Variants in SPACA1 observed in about 807,000 individuals in gnomAD.
SPACA1 encodes the protein sperm acrosome associated 1, also known as sperm acrosome membrane-associated protein 1.
SPACA1 carries 17 observed loss-of-function variants against 32.6 expected under a neutral mutation model. That is an observed-to-expected ratio of 0.52 (90% confidence interval 0.36 to 0.78). The LOEUF is 0.78. Ranked by LOEUF, SPACA1 falls within the 30% of genes least tolerant of loss-of-function variation. The probability of loss-of-function intolerance (pLI) is 0.01; values close to 1 mark genes in which losing one functional copy is unlikely to be tolerated. For synonymous variants in SPACA1, 140 were observed against 138.1 expected, an observed-to-expected ratio of 1.01 and a Z score of -0.10; for missense variants, 363 against 373.4, an observed-to-expected ratio of 0.97 and a Z score of 0.23.
chr6:88,047,813 C>A, upstream of SPACA1: 1 of 1,266,168 alleles, frequency 7.9e-7, no homozygotes, highest in Non-Finnish European at 1.1e-6. Context: ...AGCCGGGCGG[C>A]TACGGGCGGG....
rs998421389 is a variant in SPACA1 at position 88,055,737 on chromosome 6, G to A, written c.265+1735G>A. Among the ~76,000 whole-genome samples the A allele has an allele frequency of 1.9e-4, 29 of 152,200 alleles. 1 individual carries two copies. The highest frequency in any genetic ancestry group is 1.8e-3 in the Admixed American group (27 of 15,280). On this transcript the variant is annotated intron_variant, in intron 2 of 6. Coordinates refer to ENST00000237201, the MANE Select transcript of SPACA1 (RefSeq NM_030960.3). ...TGTAATCCCAGCACTTTGGGAGGCCGAGGCGGGTGGATCACGAGGTCCAGA... is the reference window on the plus strand; with the variant it reads ...TGTAATCCCAGCACTTTGGGAGGCCAAGGCGGGTGGATCACGAGGTCCAGA...
rs1775858546 is a variant in SPACA1 at position 88,059,463 on chromosome 6, T to C, written c.485T>C (p.Ile162Thr). The change falls in exon 5 of 7, where the codon ATA becomes ACA. Residue 162 changes from isoleucine (I) to threonine (T), a missense_variant. Physicochemically the swap from Ile to Thr is moderately conservative, Grantham distance 89 (BLOSUM62 -1). Transcript: ENST00000237201. The stretch of plus-strand genomic sequence containing the variant: ...TTTCTTTTTAAATAGCAATCCATTA[T>C]ACTTGTAAATGATTCAGCAATCCTA... ...KLLRQDQQSIILVNDSAILEV... is the reference protein window; with the variant it reads ...KLLRQDQQSITLVNDSAILEV... 1.2e-6 allele frequency: 2 copies of C among 1,609,838 alleles called. No individual in the cohort carries two copies. The highest frequency in any genetic ancestry group is 1.7e-6 in the Non-Finnish European group (2 of 1,178,334).
At chr6:88,051,940 A>G (rs2127798214) in intron 1 of SPACA1, among the ~76,000 whole-genome samples, 1 of 152,352 alleles carries the variant, frequency 6.6e-6, no homozygotes, top group South Asian at 2.1e-4. Context: ...CACTCCTACC[A>G]TGTTGACACC....
intron 1 of SPACA1, among the ~76,000 whole-genome samples, chr6:88,052,630 A>G (rs1202418244): frequency 1.3e-5 from 2 of 152,148 alleles, no homozygotes; most frequent in Admixed American, 6.5e-5. Context: ...TGAGGTCAGG[A>G]GTTTGAGACC....
chr6:88,063,398 G>A (rs1174642735), intron 5 of SPACA1, among the ~76,000 whole-genome samples: 1 of 152,022 alleles, frequency 6.6e-6, no homozygotes, highest in Non-Finnish European at 1.5e-5. Context: ...TAACAGTATG[G>A]GTGAATTTCT....
At position 88,066,172 on chromosome 6, in the gene SPACA1, T is replaced by C; in HGVS notation, c.732-10T>C. 1 of 1,550,358 alleles carries C rather than the reference T, an allele frequency of 6.5e-7. No homozygotes were observed. Among genetic ancestry groups the C allele is most frequent in the Non-Finnish European group, 8.7e-7 (1 of 1,150,460 alleles). Reference sequence around the variant, plus strand: ...CATATGGTGGTTTTGGTTTTTGTTTTTTCTTCCAGGGCAGCAGTCAAGGCT... The same window carrying C: ...CATATGGTGGTTTTGGTTTTTGTTTCTTCTTCCAGGGCAGCAGTCAAGGCT... On this transcript the variant is annotated splice_polypyrimidine_tract_variant and intron_variant, in intron 6 of 6. Transcript: ENST00000237201.
At chr6:88,064,298 C>T in intron 6 of SPACA1, 79 bp downstream of exon 6, 1 of 1,454,274 alleles carries the variant, frequency 6.9e-7, no homozygotes, top group Non-Finnish European at 9.3e-7. Context: ...AATTGCAAAG[C>T]CCTGTCCGTG....
At chr6:88,063,914 T>C (rs925290856) in intron 5 of SPACA1, among the ~76,000 whole-genome samples, 185 bp from the exon 6 acceptor site, 2 of 152,184 alleles carry the variant, frequency 1.3e-5, no homozygotes, top group Non-Finnish European at 2.9e-5. Context: ...TGTCAAATTC[T>C]TTTAACTTTT....
chr6:88,064,738 A>C (rs546090580), intron 6 of SPACA1, among the ~76,000 whole-genome samples: 1 of 149,484 alleles, frequency 6.7e-6, no homozygotes, highest in African/African-American at 2.4e-5. Context: ...ATATATATGT[A>C]CATATATATG....
intron 2 of SPACA1, among the ~76,000 whole-genome samples, chr6:88,054,645 T>C (rs1381082979): frequency 1.3e-5 from 2 of 152,062 alleles, no homozygotes; most frequent in Non-Finnish European, 2.9e-5. Context: ...TTCTTCTAAA[T>C]AGAATCTGCC....
intron 2 of SPACA1, among the ~76,000 whole-genome samples, chr6:88,055,833 C>A (rs527751551): frequency 6.6e-5 from 10 of 151,924 alleles, no homozygotes; most frequent in Non-Finnish European, 1.5e-4. Context: ...TAGCTGGGTG[C>A]GGTGGCACAT....
intron 5 of SPACA1, 151 bp downstream of exon 5, chr6:88,059,739 C>A: frequency 1.4e-6 from 1 of 718,024 alleles, no homozygotes; most frequent in East Asian, 3.3e-5. Context: ...CAAGAATTTC[C>A]ATTTCTAACA....
At chr6:88,054,108 C>G in intron 2 of SPACA1, 106 bp downstream of exon 2, 1 of 866,738 alleles carries the variant, frequency 1.2e-6, no homozygotes, top group Non-Finnish European at 1.8e-6. Flanking sequence ...TCATGCATCT[C>G]TCATGGATTT....
At chr6:88,064,547 A>G in intron 6 of SPACA1, 1 of 159,108 alleles carries the variant, frequency 6.3e-6, no homozygotes, top group East Asian at 1.8e-4. Context: ...CAACTCTAAA[A>G]CTTGGTTATT....
Position 88,066,215 on chromosome 6 carries a change from C to T in SPACA1, c.765C>T (p.Ala255=), listed in dbSNP as rs1357291610. 1 of 1,607,732 alleles carries T rather than the reference C, an allele frequency of 6.2e-7. No individual in the cohort carries two copies. Among genetic ancestry groups the T allele is most frequent in the East Asian group, 2.2e-5 (1 of 44,768 alleles). ...TCAAGGCTTTCTGGGGGGCAAAAGC[C>T]TCTACACCTGAGGTACAATCCGAGC... ...AAVKAFWGAK[A]STPEVQSEQS... The change falls in exon 7 of 7, where the codon GCC becomes GCT. Residue 255 remains alanine (A), a synonymous_variant. Transcript: ENST00000237201.
intron 6 of SPACA1, 40 bp from the exon 7 acceptor site, chr6:88,066,142 C>T (rs1382884976): frequency 6.6e-7 from 1 of 1,513,570 alleles, no homozygotes; most frequent in African/African-American, 1.4e-5. Context: ...TTTTAGTTTT[C>T]ACTTCATATG....
chr6:88,051,281 T>C (rs1365433455), intron 1 of SPACA1, among the ~76,000 whole-genome samples: 1 of 152,180 alleles, frequency 6.6e-6, no homozygotes, highest in African/African-American at 2.4e-5. Flanking sequence ...TAGACCTACA[T>C]AGTAATTGCA....
At chr6:88,050,964 G>A (rs1045373157) in intron 1 of SPACA1, among the ~76,000 whole-genome samples, 6 of 152,038 alleles carry the variant, frequency 3.9e-5, no homozygotes, top group South Asian at 2.1e-4. Flanking sequence ...TGGCTAACAC[G>A]GTGAAACCCC....
chr6:88,064,247 C>T, intron 6 of SPACA1, 28 bp downstream of exon 6: 1 of 1,596,524 alleles, frequency 6.3e-7, no homozygotes, highest in Non-Finnish European at 8.5e-7. Flanking sequence ...TGCATCATCA[C>T]CCTTGATTGA....
Sources: allele counts gnomAD v4.1 joint callset (sites outside exome capture counted in the v4.1 genomes callset), GRCh38; gene constraint gnomAD v4.1.1; transcripts MANE v1.5; gene names NCBI Gene and HGNC (gene_info 2026-07-23, HGNC 2026-07-21).